Variants in CFLAR observed in about 807,000 individuals in gnomAD.
CFLAR encodes CASP8 and FADD-like apoptosis regulator.
Under a neutral mutation model 51.1 loss-of-function variants are expected in CFLAR, and 14 were observed. The observed-to-expected ratio is 0.27, with a 90% CI of 0.18 to 0.43. The LOEUF is 0.43. Among genes scored for constraint, CFLAR ranks in the 20% least tolerant of loss-of-function variants. The probability of loss-of-function intolerance (pLI) is 1.00; values close to 1 mark genes in which losing one functional copy is unlikely to be tolerated. For synonymous variants in CFLAR, 210 were observed against 211.6 expected, an observed-to-expected ratio of 0.99 and a Z score of 0.06; for missense variants, 390 against 566.5, an observed-to-expected ratio of 0.69 and a Z score of 3.16.
rs1002710800 is a variant in CFLAR, at chr2:201,171,945, A to G, written c.*7972A>G. ...ATCTCCACATCCCCAAAATATAACC[A>G]TACTTCAAGGGCAGTTCAAATACCA... On this transcript the variant is annotated 3_prime_UTR_variant, in exon 10 of 10. Coordinates refer to ENST00000309955, the MANE Select transcript of CFLAR (RefSeq NM_003879.7). 2.0e-5 allele frequency: 3 copies of G among 152,164 alleles called. No individual in the cohort carries two copies. The highest frequency in any genetic ancestry group is 2.0e-4 in the Admixed American group (3 of 15,276). 9.4% of individuals were successfully genotyped at this position (152,164 alleles called of 1,614,324 possible).
Position 201,164,004 on chromosome 2 carries a change from A to C in CFLAR, c.*31A>C. On this transcript the variant is annotated 3_prime_UTR_variant, in exon 10 of 10. Transcript: ENST00000309955. ...CAAAAGGCTGGGCGTAGTGGCTCAC[A>C]CCTGTAATCCCAGCACTTTGGGAGG... 6.3e-7 allele frequency: 1 copy of C among 1,587,638 alleles called. No individual in the cohort carries two copies. Among genetic ancestry groups the C allele is most frequent in the East Asian group, 2.3e-5 (1 of 44,052 alleles).
Position 201,173,508 on chromosome 2 carries a change from A to ATTTTTGTAT in CFLAR, c.*9540_*9548dup, listed in dbSNP as rs575792948. 95 of 151,074 alleles carry ATTTTTGTAT rather than the reference A, an allele frequency of 6.3e-4. No homozygotes were observed. Among genetic ancestry groups the ATTTTTGTAT allele is most frequent in the African/African-American group, 2.3e-3 (95 of 41,122 alleles). The allele number at this position is 151,074 out of a possible 1,614,324, so 9.4% of individuals were successfully genotyped here. On this transcript the variant is annotated 3_prime_UTR_variant, in exon 10 of 10. Transcript: ENST00000309955. Reference sequence around the variant, plus strand: ...AGGCGTGAGCCACCGCGCCCAGCCAATTTTTGTATTTTTAGTAAAGACAGG... The same window carrying ATTTTTGTAT: ...AGGCGTGAGCCACCGCGCCCAGCCAATTTTTGTATTTTTTGTATTTTTAGTAAAGACAGG...
chr2:201,119,590 C>T (rs916262445), intron 1 of CFLAR, among the ~76,000 whole-genome samples: 4 of 150,214 alleles, frequency 2.7e-5, no homozygotes, highest in Non-Finnish European at 4.4e-5. Flanking sequence ...CTTATACTCT[C>T]TTCCTGTCAT....
intron 4 of CFLAR, chr2:201,139,571 G>C (rs1263596559): frequency 2.0e-5 from 3 of 153,840 alleles, no homozygotes; most frequent in African/African-American, 7.2e-5. Context: ...CTGAGATAGG[G>C]GAAAACCGCC....
rs1943988490 is a variant in CFLAR, at chr2:201,171,222, G to GCACCAGAATCTCA, written c.*7252_*7264dup. On this transcript the variant is annotated 3_prime_UTR_variant, in exon 10 of 10. Transcript: ENST00000309955. ...AGTGTATACTGCTCAGGTGATGGGT[G>GCACCAGAATCTCA]CACCAGAATCTCACAAGTAACCACT... 6.6e-6 allele frequency: 1 copy of GCACCAGAATCTCA among 152,108 alleles called. No individual in the cohort carries two copies. The highest frequency in any genetic ancestry group is 2.4e-5 in the African/African-American group (1 of 41,406). The allele number at this position is 152,108 out of a possible 1,614,324, so 9.4% of individuals were successfully genotyped here.
rs1943955861 is a variant in CFLAR, at chr2:201,170,644, C to G, written c.*6671C>G. 3 of 152,186 alleles carry G rather than the reference C, an allele frequency of 2.0e-5. No individual in the cohort carries two copies. The highest frequency in any genetic ancestry group is 7.2e-5 in the African/African-American group (3 of 41,444). The allele number at this position is 152,186 out of a possible 1,614,324, so 9.4% of individuals were successfully genotyped here. A position where few individuals can be genotyped will look rare whatever the true frequency, so the allele number is the denominator to read the frequency against. ...TTTTTAAATCTGTTATTCTCCACCA[C>G]CACTCAATCTGTCTATCATCTATCT... On this transcript the variant is annotated 3_prime_UTR_variant, in exon 10 of 10. Transcript: ENST00000309955.
rs1206690630 is a variant in CFLAR, at chr2:201,160,937, A to G, written c.1299A>G (p.Gln433=). Residue 433 remains glutamine (Q), a synonymous_variant, in exon 9 of 10, where the codon CAA becomes CAG. Transcript: ENST00000309955. The part of the protein sequence containing the change: ...YLQCLSQKLR[Q]ERKRPLLDLH... The stretch of plus-strand genomic sequence containing the variant: ...AGTGCCTCTCCCAGAAACTGAGACA[A>G]GAAAGGTGAGCCCCCAGGAGGTGGT... The G allele has an allele frequency of 6.2e-7, 1 of 1,611,010 alleles. No individual in the cohort carries two copies. The highest frequency in any genetic ancestry group is 8.5e-7 in the Non-Finnish European group (1 of 1,177,508).
At chr2:201,163,744 C>CT (rs1219500277) in intron 9 of CFLAR, 91 bp from the exon 10 acceptor site, 3 of 1,524,182 alleles carry the variant, frequency 2.0e-6, no homozygotes, top group Non-Finnish European at 1.8e-6. Flanking sequence ...TTTCAAAGAA[C>CT]TTTCACATCT....
intron 8 of CFLAR, among the ~76,000 whole-genome samples, chr2:201,155,946 A>G (rs1395042231): frequency 6.6e-6 from 1 of 152,108 alleles, no homozygotes; most frequent in African/African-American, 2.4e-5. Flanking sequence ...TTATAGAGAC[A>G]GGGTCTTTTG....
rs1247848446 is a variant in CFLAR, at chr2:201,175,734, C to G, written c.*11761C>G. On this transcript the variant is annotated 3_prime_UTR_variant, in exon 10 of 10. Transcript: ENST00000309955. Reference sequence around the variant, plus strand: ...GCAGCAACCTCAATTCTTTCCTCCTCAGAAGAAAGAATTTGACTGAGGGGC... The same window carrying G: ...GCAGCAACCTCAATTCTTTCCTCCTGAGAAGAAAGAATTTGACTGAGGGGC... 6.6e-6 allele frequency: 1 copy of G among 152,176 alleles called. No individual in the cohort carries two copies. The highest frequency in any genetic ancestry group is 1.5e-5 in the Non-Finnish European group (1 of 68,066). 9.4% of individuals were successfully genotyped at this position (152,176 alleles called of 1,614,324 possible).
At chr2:201,132,431 ATAT>A (rs1372774588) in intron 2 of CFLAR, among the ~76,000 whole-genome samples, 30 of 68,678 alleles carry the variant, frequency 4.4e-4, no homozygotes, top group African/African-American at 1.9e-3. Flanking sequence ...GGGGGGAAAA[ATAT>A]ATATATATAT....
At position 201,138,097 on chromosome 2, in the gene CFLAR, G is replaced by T; in HGVS notation, c.523+1990G>T. On this transcript the variant is annotated intron_variant, in intron 4 of 9. Transcript: ENST00000309955. This position sits in a 1 kb window ranked among gnomAD's most constrained non-coding sequence, Gnocchi z 4.0. ...ATGGAGCCGCGCAGTCCATGCCCCT[G>T]CCCAGCCCATCCACACCAGCGTCAA... 1.3e-6 allele frequency: 1 copy of T among 749,162 alleles called. No homozygotes were observed. 46.4% of individuals were successfully genotyped at this position (749,162 alleles called of 1,614,324 possible).
chr2:201,149,069 C>T lies in CFLAR; in HGVS notation c.711+17C>T. On this transcript the variant is annotated intron_variant, in intron 7 of 9. Coordinates refer to ENST00000309955, the MANE Select transcript of CFLAR (RefSeq NM_003879.7). ...TTGCCTCAGGTACAGAATAAATGAT[C>T]TGATTTGGTATTATATGTACATAGC... The T allele has an allele frequency of 1.3e-6, 2 of 1,560,068 alleles. No homozygotes were observed. Among genetic ancestry groups the T allele is most frequent in the Non-Finnish European group, 8.8e-7 (1 of 1,130,850 alleles).
rs1157030428 is a variant in CFLAR at position 201,138,974 on chromosome 2, T to C, written c.524-1383T>C. 1 of 569,134 alleles carries C rather than the reference T, an allele frequency of 1.8e-6. No individual in the cohort carries two copies. Among genetic ancestry groups the C allele is most frequent in the African/African-American group, 1.9e-5 (1 of 53,838 alleles). 35.3% of individuals were successfully genotyped at this position (569,134 alleles called of 1,614,324 possible). A position where few individuals can be genotyped will look rare whatever the true frequency, so the allele number is the denominator to read the frequency against. The stretch of plus-strand genomic sequence containing the variant: ...CAAGAAGTCGTTGTAGGTGAGTCCC[T>C]GGTCACTGGCGAAGAGCTGCTGCAC... On this transcript the variant is annotated intron_variant, in intron 4 of 9. Transcript: ENST00000309955. This position sits in a 1 kb window ranked among gnomAD's most constrained non-coding sequence, Gnocchi z 4.0.
At chr2:201,133,848 G>A (rs900520923) in intron 3 of CFLAR, among the ~76,000 whole-genome samples, 9 of 149,554 alleles carry the variant, frequency 6.0e-5, no homozygotes, top group Non-Finnish European at 1.3e-4. Flanking sequence ...AGAGAATGGT[G>A]TGAAGCTGGG....
chr2:201,169,162 T>G lies in CFLAR; in HGVS notation c.*5189T>G, dbSNP rs1162292195. ...AGAGCCCGTATAACCAAGACAACAA[T>G]AAGCAAAAAGAACAAAGCTGGAAGC... On this transcript the variant is annotated 3_prime_UTR_variant, in exon 10 of 10. Transcript: ENST00000309955. 1 of 151,968 alleles carries G rather than the reference T, an allele frequency of 6.6e-6. No individual in the cohort carries two copies. The highest frequency in any genetic ancestry group is 1.5e-5 in the Non-Finnish European group (1 of 67,984). 9.4% of individuals were successfully genotyped at this position (151,968 alleles called of 1,614,324 possible).
At chr2:201,135,694 A>G (rs2125709878) in intron 3 of CFLAR, among the ~76,000 whole-genome samples, 1 of 141,072 alleles carries the variant, frequency 7.1e-6, no homozygotes, top group Non-Finnish European at 1.5e-5. Context: ...CCGTGGTGCA[A>G]TCACTGCTCA....
chr2:201,129,973 T>A lies in CFLAR; in HGVS notation c.108T>A (p.Asn36Lys). 6.2e-7 allele frequency: 1 copy of A among 1,614,200 alleles called. No homozygotes were observed. Among genetic ancestry groups the A allele is most frequent in the Non-Finnish European group, 8.5e-7 (1 of 1,180,034 alleles). The part of the protein sequence containing the change: ...RDVAIDVVPP[N>K]VRDLLDILRE... ...TTGCTATAGATGTGGTTCCACCTAA[T>A]GTCAGGGACCTTCTGGATATTTTAC... The change falls in exon 2 of 10, where the codon AAT becomes AAA. Residue 36 changes from asparagine to lysine, a missense_variant. Asn to Lys is a moderately conservative substitution (Grantham distance 94). This residue lies in a region of CFLAR where 103 missense variants were observed against 202.9 expected (regional missense o/e 0.51). Transcript: ENST00000309955.
At chr2:201,145,528 C>T (rs771553744) in intron 6 of CFLAR, 96 bp downstream of exon 6, 10 of 808,314 alleles carry the variant, frequency 1.2e-5, no homozygotes, top group Non-Finnish European at 1.9e-5. Flanking sequence ...CCTTTATCTA[C>T]ATAATCTAAG....
Sources: gnomAD v4.1 joint callset for allele counts (sites outside exome capture counted in the v4.1 genomes callset) on GRCh38, gnomAD v4.1.1 for gene constraint, gnomAD v4.1.1 regional missense constraint, Gnocchi (gnomAD v3.1) non-coding constraint, MANE v1.5 for transcripts, NCBI Gene and HGNC (gene_info 2026-07-23, HGNC 2026-07-21) for gene names.